NBAS: variants seen among roughly 807,000 people sequenced by gnomAD.
NBAS encodes NBAS subunit of NRZ tethering complex, also known as NAG/BC035112 fusion.
NBAS carries 219 observed loss-of-function variants against 302.5 expected under a neutral mutation model. That is an observed-to-expected ratio of 0.72 (90% CI 0.65 to 0.81). The LOEUF (loss-of-function observed/expected upper bound fraction) is 0.81, where lower values mean the gene tolerates loss of function less well. Among genes scored for constraint, NBAS ranks in the 30% least tolerant of loss-of-function variants. The pLI is 0.00. For missense variants in NBAS, 2,932 were observed against 2,841.6 expected (o/e 1.03, Z -0.72); for synonymous variants, 1,118 against 1,021.6 (o/e 1.09, Z -1.80).
chr2:15,057,162 C>T, the NBAS span, among the ~76,000 whole-genome samples: 1 of 152,036 alleles, frequency 6.6e-6, no homozygotes, highest in African/African-American at 2.4e-5. Flanking sequence ...ATTTGCAAAG[C>T]CAGCCTAGAC....
the NBAS span, among the ~76,000 whole-genome samples, chr2:14,814,787 C>A: frequency 6.6e-6 from 1 of 152,054 alleles, no homozygotes; most frequent in African/African-American, 2.4e-5. Context: ...TTCAGAGGAG[C>A]CAGGGGAATG....
intron 21 of NBAS, 147 bp downstream of exon 21, chr2:15,461,054 C>T (rs1246740532): frequency 1.3e-6 from 1 of 759,914 alleles, no homozygotes; most frequent in Non-Finnish European, 2.0e-6. Context: ...GGCTTCAGGA[C>T]CATTTACAAT....
chr2:14,925,361 A>G, the NBAS span, among the ~76,000 whole-genome samples: 1 of 152,118 alleles, frequency 6.6e-6, no homozygotes, highest in Non-Finnish European at 1.5e-5. Flanking sequence ...TCGACAAGAA[A>G]TATTCATAAA....
chr2:15,177,311 A>C (rs1341097561), intron 51 of NBAS, among the ~76,000 whole-genome samples: 1 of 152,214 alleles, frequency 6.6e-6, no homozygotes, highest in Non-Finnish European at 1.5e-5. Context: ...TGGGCACTGC[A>C]GTGTTACCAT....
chr2:15,551,808 C>A (rs1469316508), intron 5 of NBAS, among the ~76,000 whole-genome samples: 1 of 152,192 alleles, frequency 6.6e-6, no homozygotes, highest in African/African-American at 2.4e-5. Context: ...TCTTTTCATA[C>A]AATAGAGATG....
At chr2:15,460,095 G>A (rs73200662) in intron 21 of NBAS, among the ~76,000 whole-genome samples, 6,442 of 152,182 alleles carry the variant, frequency 0.042, 429 homozygotes, top group African/African-American at 0.14. Context: ...AGTGGAGGCA[G>A]CAAGGGAGGA....
the NBAS span, among the ~76,000 whole-genome samples, chr2:15,121,227 C>G: frequency 0.04 from 6,143 of 152,254 alleles, 235 homozygotes; most frequent in African/African-American, 0.1. Flanking sequence ...TCCTGAAGAA[C>G]AAGCATACTA....
At chr2:15,257,492 G>A (rs1050416249) in intron 44 of NBAS, among the ~76,000 whole-genome samples, 5 of 149,920 alleles carry the variant, frequency 3.3e-5, no homozygotes, top group Admixed American at 2.0e-4. Context: ...TCCCGCATTC[G>A]AGAGATTCTC....
intron 21 of NBAS, among the ~76,000 whole-genome samples, chr2:15,445,127 C>T (rs1026008864): frequency 2.9e-4 from 44 of 151,684 alleles, no homozygotes; most frequent in South Asian, 1.5e-3. Flanking sequence ...ACTAGAAATA[C>T]CATTTGACCC....
the NBAS span, among the ~76,000 whole-genome samples, chr2:15,151,034 T>C: frequency 6.6e-6 from 1 of 152,342 alleles, no homozygotes; most frequent in Non-Finnish European, 1.5e-5. Context: ...TCCGTACTTG[T>C]CAATATCCTC....
chr2:14,976,108 G>A, the NBAS span, among the ~76,000 whole-genome samples: 3 of 152,170 alleles, frequency 2.0e-5, no homozygotes, highest in African/African-American at 7.2e-5. Context: ...GAATAATGGG[G>A]GCAGATGTAG....
intron 35 of NBAS, among the ~76,000 whole-genome samples, chr2:15,341,926 A>T (rs935131344): frequency 1.3e-5 from 2 of 152,176 alleles, no homozygotes; most frequent in Non-Finnish European, 2.9e-5. Flanking sequence ...CATCCAGATC[A>T]CTGATGTCAT....
At chr2:15,304,596 T>C (rs1670947638) in intron 40 of NBAS, among the ~76,000 whole-genome samples, 1 of 152,214 alleles carries the variant, frequency 6.6e-6, no homozygotes, top group Non-Finnish European at 1.5e-5. Flanking sequence ...GTTGAATGAC[T>C]TTGACCAAAA....
chr2:14,950,625 G>A, the NBAS span, among the ~76,000 whole-genome samples: 1 of 152,102 alleles, frequency 6.6e-6, no homozygotes, highest in Admixed American at 6.5e-5. Flanking sequence ...ATGATGGCAG[G>A]TAACAGGTGA....
chr2:15,472,472 G>A (rs1379306459), intron 16 of NBAS, among the ~76,000 whole-genome samples: 2 of 152,110 alleles, frequency 1.3e-5, no homozygotes, highest in Non-Finnish European at 2.9e-5. Flanking sequence ...TGCCAGTCTT[G>A]GCCATGATTC....
rs367886048 is a variant in NBAS, at chr2:15,167,117, G to C, written c.7047C>G (p.Ala2349=). The change falls in exon 52 of 52, where the codon GCC becomes GCG. Residue 2349 remains alanine, a synonymous_variant. Coordinates refer to ENST00000281513, the MANE Select transcript of NBAS (RefSeq NM_015909.4). ...TGAAGGCCTGGTGAGTCCCCCTCACGGCCAGAAGGAGAGACCCGGCTTCGG... is the reference window on the plus strand; with the variant it reads ...TGAAGGCCTGGTGAGTCCCCCTCACCGCCAGAAGGAGAGACCCGGCTTCGG... ...HEAEAGSLLL[A]VRGTHQAFRT... is the part of the protein sequence containing the mutation. The C allele has an allele frequency of 3.1e-6, 5 of 1,613,980 alleles. No individual in the cohort carries two copies. Among genetic ancestry groups the C allele is most frequent in the Non-Finnish European group, 4.2e-6 (5 of 1,179,890 alleles).
At chr2:15,042,184 C>T in the NBAS span, among the ~76,000 whole-genome samples, 3 of 152,200 alleles carry the variant, frequency 2.0e-5, no homozygotes, top group African/African-American at 7.2e-5. Flanking sequence ...ACCTAGGTGG[C>T]CAGTGGCCTT....
chr2:15,167,078 T>A lies in NBAS; in HGVS notation c.7086A>T (p.Thr2362=). ...CCCAGTGCTGTGCTGCGCGGAGGGC[T>A]GTACTGAAGGTTCTGAAGGCCTGGT... is the stretch of plus-strand genomic sequence containing the variant. ...GTHQAFRTFS[T]ALRAAQHWV Residue 2362 remains threonine, a synonymous_variant, in exon 52 of 52, where the codon ACA becomes ACT. Transcript: ENST00000281513. The A allele has an allele frequency of 6.2e-7, 1 of 1,606,488 alleles. No homozygotes were observed. Among genetic ancestry groups the A allele is most frequent in the Non-Finnish European group, 8.5e-7 (1 of 1,175,160 alleles).
At chr2:15,031,068 A>G in the NBAS span, among the ~76,000 whole-genome samples, 1 of 152,246 alleles carries the variant, frequency 6.6e-6, no homozygotes, top group Non-Finnish European at 1.5e-5. Flanking sequence ...TACAAATATA[A>G]AAAGAGAAAG....
Sources: gnomAD v4.1 joint callset for allele counts (sites outside exome capture counted in the v4.1 genomes callset) on GRCh38, gnomAD v4.1.1 for gene constraint, MANE v1.5 for transcripts, NCBI Gene and HGNC (gene_info 2026-07-23, HGNC 2026-07-21) for gene names.